The following AK4 variants were observed in gnomAD, a reference collection of about 807,000 sequenced individuals.
The protein encoded by AK4 is adenylate kinase 4, mitochondrial.
Under a neutral mutation model 24.6 loss-of-function variants are expected in AK4, and 13 were observed. The ratio of observed to expected loss-of-function variants is 0.53; its 90% CI spans 0.34 to 0.84. AK4 has a LOEUF of 0.84. AK4 is among the 40% of genes least tolerant of loss of function. AK4 has a pLI of 0.01. For synonymous variants in AK4, 88 were observed against 107.0 expected, an observed-to-expected ratio of 0.82 and a Z score of 1.10; for missense variants, 192 against 288.2, an observed-to-expected ratio of 0.67 and a Z score of 2.42.
chr1:65,157,852 C>G (rs931542652), intron 1 of AK4, among the ~76,000 whole-genome samples: 2 of 152,026 alleles, frequency 1.3e-5, no homozygotes, highest in Non-Finnish European at 2.9e-5. Context: ...GCAGCTAACC[C>G]AGCATTTAGG....
chr1:65,225,303 A>C (rs1284271245), intron 4 of AK4, among the ~76,000 whole-genome samples: 1 of 152,174 alleles, frequency 6.6e-6, no homozygotes, highest in African/African-American at 2.4e-5. Flanking sequence ...CGTAAACCAG[A>C]GATTAAAAAT....
At chr1:65,211,895 C>T (rs149043560) in intron 2 of AK4, among the ~76,000 whole-genome samples, 47 of 152,252 alleles carry the variant, frequency 3.1e-4, no homozygotes, top group African/African-American at 1.1e-3. Flanking sequence ...GGAGTGTTGG[C>T]GTGTGGTAGA....
At chr1:65,169,189 AAAAG>A (rs1483790131) in intron 1 of AK4, among the ~76,000 whole-genome samples, 1 of 151,760 alleles carries the variant, frequency 6.6e-6, no homozygotes, top group African/African-American at 2.4e-5. Context: ...AAAAAAAAAA[AAAAG>A]AAAAAGAAAA....
chr1:65,191,890 A>G (rs1017830995), intron 2 of AK4, among the ~76,000 whole-genome samples: 4 of 152,168 alleles, frequency 2.6e-5, no homozygotes, highest in African/African-American at 9.7e-5. Context: ...TTTAAGCAAT[A>G]ATAGCAGTGG....
chr1:65,177,531 G>A lies in AK4; in HGVS notation c.146-13179G>A, dbSNP rs150484864. ...TACAACCTTCCTTGAGGTGACTTCC[G>A]CGTACCTATATGTTAAAAACGGTAA... On this transcript the variant is annotated intron_variant, in intron 1 of 4. Coordinates refer to ENST00000327299, the MANE Select transcript of AK4 (RefSeq NM_013410.4). 9.2e-5 allele frequency among the ~76,000 whole-genome samples: 14 copies of A among 152,242 alleles called. No individual in the cohort carries two copies. The East Asian group carries it at 2.5e-3, about 27-fold the overall frequency.
intron 1 of AK4, among the ~76,000 whole-genome samples, chr1:65,185,731 C>T (rs1651075655): frequency 6.6e-6 from 1 of 151,854 alleles, no homozygotes; most frequent in Admixed American, 6.6e-5. Flanking sequence ...CTGCCTCAGC[C>T]TCCCCAGTAG....
At chr1:65,188,468 GTTTTTA>G (rs1224014368) in intron 1 of AK4, among the ~76,000 whole-genome samples, 6 of 152,148 alleles carry the variant, frequency 3.9e-5, no homozygotes, top group Admixed American at 2.0e-4. Flanking sequence ...TCCGCTTTGT[GTTTTTA>G]TTTTTATTTT....
At chr1:65,198,282 A>G (rs1651548192) in intron 2 of AK4, among the ~76,000 whole-genome samples, 1 of 152,236 alleles carries the variant, frequency 6.6e-6, no homozygotes. Flanking sequence ...TGCTGTGGCC[A>G]TCTATGCCTG....
intron 1 of AK4, among the ~76,000 whole-genome samples, chr1:65,155,037 G>A (rs532536565): frequency 6.6e-6 from 1 of 151,692 alleles, no homozygotes; most frequent in South Asian, 2.1e-4. Context: ...TTTTAATAGA[G>A]ACGGGGTTTC....
chr1:65,174,749 G>A (rs1431832466), intron 1 of AK4, among the ~76,000 whole-genome samples: 1 of 152,160 alleles, frequency 6.6e-6, no homozygotes, highest in African/African-American at 2.4e-5. Flanking sequence ...TAAGAGTTCA[G>A]GCTTTGGAAC....
At chr1:65,172,500 A>C (rs930085931) in intron 1 of AK4, among the ~76,000 whole-genome samples, 1 of 152,168 alleles carries the variant, frequency 6.6e-6, no homozygotes, top group African/African-American at 2.4e-5. Context: ...AATTTCATGA[A>C]TGTGCTGTTT....
intron 1 of AK4, among the ~76,000 whole-genome samples, chr1:65,153,422 A>G (rs1206796812): frequency 3.3e-5 from 5 of 152,122 alleles, no homozygotes; most frequent in African/African-American, 1.2e-4. Flanking sequence ...GGCATGCACC[A>G]CCATGCCCGG....
chr1:65,215,144 T>TTTTTTTC (rs531698866), intron 2 of AK4, among the ~76,000 whole-genome samples: 13 of 149,978 alleles, frequency 8.7e-5, no homozygotes, highest in African/African-American at 3.3e-4. Context: ...TCATTGATTT[T>TTTTTTTC]TTTTCTTTTC....
At chr1:65,178,697 C>T (rs1040172166) in intron 1 of AK4, among the ~76,000 whole-genome samples, 2 of 152,212 alleles carry the variant, frequency 1.3e-5, no homozygotes, top group African/African-American at 2.4e-5. Context: ...TGGGAAGCTT[C>T]TTTTGGACCT....
chr1:65,223,471 G>A (rs903091053), intron 3 of AK4, among the ~76,000 whole-genome samples: 1 of 152,042 alleles, frequency 6.6e-6, no homozygotes, highest in Non-Finnish European at 1.5e-5. Flanking sequence ...TTATAGGCAT[G>A]AGCCACTGCG....
chr1:65,199,779 G>A (rs1651606749), intron 2 of AK4, among the ~76,000 whole-genome samples: 1 of 152,102 alleles, frequency 6.6e-6, no homozygotes, highest in Non-Finnish European at 1.5e-5. Flanking sequence ...TTGGATTTTA[G>A]AATGTCTGCC....
intron 2 of AK4, among the ~76,000 whole-genome samples, chr1:65,208,442 G>T (rs1166025577): frequency 6.6e-6 from 1 of 152,180 alleles, no homozygotes; most frequent in South Asian, 2.1e-4. Flanking sequence ...GCTAGGGAAG[G>T]CTGTGGAAGA....
intron 1 of AK4, among the ~76,000 whole-genome samples, chr1:65,151,280 A>G (rs1649763089): frequency 6.6e-6 from 1 of 152,036 alleles, no homozygotes. Flanking sequence ...TCTCCTCTGC[A>G]CATGTCTTAT....
chr1:65,156,749 C>T (rs903693637), intron 1 of AK4, among the ~76,000 whole-genome samples: 2 of 151,680 alleles, frequency 1.3e-5, no homozygotes, highest in Admixed American at 6.6e-5. Flanking sequence ...TGGTGAAACC[C>T]CGTCTCTACT....
Sources: allele counts gnomAD v4.1 joint callset (sites outside exome capture counted in the v4.1 genomes callset), GRCh38; gene constraint gnomAD v4.1.1; transcripts MANE v1.5; gene names NCBI Gene and HGNC (gene_info 2026-07-23, HGNC 2026-07-21).